LRRIQ3: variants seen among roughly 807,000 people sequenced by gnomAD.
The protein encoded by LRRIQ3 is leucine-rich repeat and IQ domain-containing protein 3.
Under a neutral mutation model 59.3 loss-of-function variants are expected in LRRIQ3, and 75 were observed. The ratio of observed to expected loss-of-function variants is 1.26; its 90% CI spans 1.05 to 1.53. The LOEUF (loss-of-function observed/expected upper bound fraction) is 1.53. Among genes scored for constraint, LRRIQ3 ranks in the 40% most tolerant of loss-of-function variants. The pLI, the probability that LRRIQ3 is intolerant of heterozygous loss-of-function variation, is 0.00. For missense variants in LRRIQ3, 831 were observed against 710.0 expected (o/e 1.17, Z -1.94); for synonymous variants, 250 against 231.3 (o/e 1.08, Z -0.73).
chr1:74,042,827 G>T lies in LRRIQ3; in HGVS notation c.998-894C>A, dbSNP rs190958495. On this transcript the variant is annotated intron_variant, in intron 6 of 7. Coordinates refer to ENST00000354431, the MANE Select transcript of LRRIQ3 (RefSeq NM_001105659.2). Reference sequence around the variant, plus strand: ...TTTTTAATAGAGTGTGAACACAATTGTTATGTGTTATTCCTTGTCCAAGAG... The same window carrying T: ...TTTTTAATAGAGTGTGAACACAATTTTTATGTGTTATTCCTTGTCCAAGAG... 2.0e-5 allele frequency among the ~76,000 whole-genome samples: 3 copies of T among 152,116 alleles called. No homozygotes were observed. The East Asian group carries it at 5.8e-4, about 29-fold the overall frequency.
rs2100389001 is a variant in LRRIQ3 at position 74,041,546 on chromosome 1, T to C, written c.1385A>G (p.Asn462Ser). 2 of 1,612,684 alleles carry C rather than the reference T, an allele frequency of 1.2e-6. No homozygotes were observed. The highest frequency in any genetic ancestry group is 1.7e-6 in the Non-Finnish European group (2 of 1,179,612). Residue 462 changes from asparagine to serine, a missense_variant, in exon 7 of 8, where the codon AAT (asparagine) becomes AGT (serine). Physicochemically the swap from Asn to Ser is conservative, Grantham distance 46 (BLOSUM62 1). Transcript: ENST00000354431. Reference sequence around the variant, plus strand: ...TTTTTGTGTAGCATATTTTTTCTGATTCAAATGTTCATTAACAGCTACTCT... The same window carrying C: ...TTTTTGTGTAGCATATTTTTTCTGACTCAAATGTTCATTAACAGCTACTCT... ...RVRVAVNEHL[N>S]QKKYATQKLI...
chr1:74,075,291 G>A (rs182372683), intron 5 of LRRIQ3, among the ~76,000 whole-genome samples: 3 of 152,278 alleles, frequency 2.0e-5, no homozygotes, highest in Admixed American at 1.3e-4. Context: ...AATGGGCCAG[G>A]CACAGGGGCT....
At chr1:74,122,667 C>A (rs1432929718) in intron 4 of LRRIQ3, among the ~76,000 whole-genome samples, 1 of 152,036 alleles carries the variant, frequency 6.6e-6, no homozygotes, top group Non-Finnish European at 1.5e-5. Context: ...ACACCTTATA[C>A]AAAAATTAAT....
intron 1 of LRRIQ3, among the ~76,000 whole-genome samples, chr1:74,193,708 T>C (rs1166833392): frequency 6.6e-6 from 1 of 152,118 alleles, no homozygotes; most frequent in Non-Finnish European, 1.5e-5. Flanking sequence ...CAGATCATCA[T>C]TATTTTAAGT....
intron 4 of LRRIQ3, among the ~76,000 whole-genome samples, chr1:74,155,488 C>G (rs1648262560): frequency 6.6e-6 from 1 of 151,918 alleles, no homozygotes; most frequent in Non-Finnish European, 1.5e-5. Flanking sequence ...ATTATATAAT[C>G]CATGGCTTAC....
At chr1:74,172,732 A>G (rs1292871109) in intron 3 of LRRIQ3, among the ~76,000 whole-genome samples, 1 of 152,140 alleles carries the variant, frequency 6.6e-6, no homozygotes, top group Non-Finnish European at 1.5e-5. Context: ...GTTGCTTCAT[A>G]TATTACATAA....
At chr1:74,094,548 T>G (rs1646429165) in intron 5 of LRRIQ3, among the ~76,000 whole-genome samples, 1 of 152,052 alleles carries the variant, frequency 6.6e-6, no homozygotes, top group South Asian at 2.1e-4. Flanking sequence ...TGTAAACACT[T>G]TGATTTAGTC....
chr1:74,131,991 A>G (rs900944699), intron 4 of LRRIQ3, among the ~76,000 whole-genome samples: 1 of 151,874 alleles, frequency 6.6e-6, no homozygotes, highest in East Asian at 1.9e-4. Flanking sequence ...TTGTCTCAGC[A>G]CAAAATCTCC....
At chr1:74,109,321 T>C (rs924324517) in intron 5 of LRRIQ3, 73 bp downstream of exon 5, 2 of 1,033,230 alleles carry the variant, frequency 1.9e-6, no homozygotes, top group African/African-American at 1.6e-5. Flanking sequence ...GAAGAAATAA[T>C]AGCGCTACCT....
At chr1:74,191,706 A>C (rs1287536186) in intron 1 of LRRIQ3, among the ~76,000 whole-genome samples, 1 of 152,168 alleles carries the variant, frequency 6.6e-6, no homozygotes, top group East Asian at 1.9e-4. Flanking sequence ...ATAGGTCAAT[A>C]AAAATTTAAA....
chr1:74,081,393 T>TAC (rs1646271835), intron 5 of LRRIQ3, among the ~76,000 whole-genome samples: 1 of 151,636 alleles, frequency 6.6e-6, no homozygotes, highest in East Asian at 1.9e-4. Context: ...GGTCTATCTT[T>TAC]ACTAAGATTG....
Position 74,031,550 on chromosome 1 carries a change from G to A in LRRIQ3, c.1719-4581C>T, listed in dbSNP as rs1401713141. Among the ~76,000 whole-genome samples, 3 of 150,542 alleles carry A rather than the reference G, an allele frequency of 2.0e-5. No homozygotes were observed. The Admixed American group carries it at 2.0e-4, about 10-fold the overall frequency. ...CACCGCATGTTCTCACTCATAGGTG[G>A]GAATTGAACAATGAGAACACTTGAA... On this transcript the variant is annotated intron_variant, in intron 7 of 7. Transcript: ENST00000354431.
At position 74,090,326 on chromosome 1, in the gene LRRIQ3, GTT is replaced by G. The variant is rs35791047; in HGVS notation, c.868-15538_868-15537del. 4.7e-5 allele frequency among the ~76,000 whole-genome samples: 7 copies of G among 150,092 alleles called. No individual in the cohort carries two copies. In the South Asian group the frequency reaches 1.5e-3, roughly 31 times the overall value. On this transcript the variant is annotated intron_variant, in intron 5 of 7. Transcript: ENST00000354431. The stretch of plus-strand genomic sequence containing the variant: ...AATGGAATAAAAAATCTACAAAATA[GTT>G]TTTTTTTTAAAACTGAAGTGCTAGG...
intron 4 of LRRIQ3, among the ~76,000 whole-genome samples, chr1:74,138,224 T>C (rs533861439): frequency 1.3e-5 from 2 of 151,480 alleles, no homozygotes; most frequent in East Asian, 3.9e-4. Context: ...GACCTGGATG[T>C]ATGATTACAA....
chr1:74,054,061 C>T (rs1461215993), intron 6 of LRRIQ3, among the ~76,000 whole-genome samples: 1 of 152,044 alleles, frequency 6.6e-6, no homozygotes, highest in African/African-American at 2.4e-5. Flanking sequence ...TGTACAAAAA[C>T]CTGCACATGG....
At chr1:74,057,592 A>G (rs1478412081) in intron 6 of LRRIQ3, among the ~76,000 whole-genome samples, 3 of 152,226 alleles carry the variant, frequency 2.0e-5, no homozygotes, top group African/African-American at 7.2e-5. Flanking sequence ...TAAAAAATCT[A>G]CTCAAAATGC....
chr1:74,167,382 A>C (rs1052499309), intron 3 of LRRIQ3, among the ~76,000 whole-genome samples: 3 of 151,926 alleles, frequency 2.0e-5, no homozygotes, highest in Non-Finnish European at 4.4e-5. Context: ...GTATGTTCTC[A>C]CTCACAGTGG....
chr1:74,097,222 T>C (rs903740261), intron 5 of LRRIQ3, among the ~76,000 whole-genome samples: 2 of 152,240 alleles, frequency 1.3e-5, no homozygotes, highest in East Asian at 1.9e-4. Flanking sequence ...TTAAATGACC[T>C]GATGGAGCTG....
chr1:74,117,371 TAAGC>T (rs1292863901), intron 4 of LRRIQ3, among the ~76,000 whole-genome samples: 4 of 152,134 alleles, frequency 2.6e-5, no homozygotes, highest in Non-Finnish European at 4.4e-5. Context: ...GAAGAAAAGA[TAAGC>T]AAAGTATGAA....
Sources: allele counts gnomAD v4.1 joint callset (sites outside exome capture counted in the v4.1 genomes callset), GRCh38; gene constraint gnomAD v4.1.1; transcripts MANE v1.5; gene names NCBI Gene and HGNC (gene_info 2026-07-23, HGNC 2026-07-21).